Variants in MIER3 observed in about 807,000 individuals in gnomAD.
MIER3 encodes MIER family member 3, also known as mesoderm induction early response protein 3.
Under a neutral mutation model 63.2 loss-of-function variants are expected in MIER3, and 9 were observed. The ratio of observed to expected loss-of-function variants is 0.14; its 90% CI spans 0.09 to 0.25. The LOEUF (loss-of-function observed/expected upper bound fraction) is 0.25. Ranked by LOEUF, MIER3 falls within the 10% of genes least tolerant of loss-of-function variation. The pLI is 1.00. For synonymous variants in MIER3, 205 were observed against 224.9 expected (o/e 0.91, Z 0.79); for missense variants, 512 against 666.2 (o/e 0.77, Z 2.55).
chr5:56,923,395 G>A lies in MIER3; in HGVS notation c.1386C>T (p.His462=). The change falls in exon 13 of 13, where the codon CAC becomes CAT. Residue 462 remains histidine, a synonymous_variant. Coordinates refer to ENST00000381199, the MANE Select transcript of MIER3 (RefSeq NM_001297599.2). ...ACATGTTCATAGGGTTTAGCTCCGA[G>A]TGATAAAATCCAGTCTCAAATAAAT... ...CFNLFETGFY[H]SELNPMNMCS... is the part of the protein sequence containing the mutation. The A allele has an allele frequency of 6.2e-7, 1 of 1,614,164 alleles. No homozygotes were observed. Among genetic ancestry groups the A allele is most frequent in the Non-Finnish European group, 8.5e-7 (1 of 1,180,034 alleles).
intron 8 of MIER3, among the ~76,000 whole-genome samples, chr5:56,932,539 C>G (rs1398434340): frequency 6.6e-6 from 1 of 152,184 alleles, no homozygotes; most frequent in East Asian, 1.9e-4. Flanking sequence ...CCTCTGAATA[C>G]TTATTAGTCA....
chr5:56,952,091 C>A lies in MIER3; in HGVS notation c.9+3G>T. The A allele has an allele frequency of 7.7e-7, 1 of 1,305,256 alleles. No individual in the cohort carries two copies. 80.9% of individuals were successfully genotyped at this position (1,305,256 alleles called of 1,614,324 possible). A position where few individuals can be genotyped will look rare whatever the true frequency, so the allele number is the denominator to read the frequency against. On this transcript the variant is annotated splice_donor_region_variant and intron_variant, in intron 1 of 12. Transcript: ENST00000381199. ...GCTGCTCCTGCCCGGTTTCCCTGCT[C>A]ACCTCCGCCATATTGGTACCTTTAG... is the stretch of plus-strand genomic sequence containing the variant.
At position 56,920,335 on chromosome 5, in the gene MIER3, T is replaced by TAGAAG. The variant is rs1272865793; in HGVS notation, c.*2792_*2793insCTTCT. The TAGAAG allele has an allele frequency of 6.6e-6, 1 of 152,572 alleles. No individual in the cohort carries two copies. Among genetic ancestry groups the TAGAAG allele is most frequent in the Non-Finnish European group, 1.5e-5 (1 of 67,984 alleles). 9.5% of individuals were successfully genotyped at this position (152,572 alleles called of 1,614,324 possible). A position where few individuals can be genotyped will look rare whatever the true frequency, so the allele number is the denominator to read the frequency against. Reference sequence around the variant, plus strand: ...ATAATCACAGCACCAGTTACACTTCTAAATGAATCCACTGTCCTTTTCAAA... The same window carrying TAGAAG: ...ATAATCACAGCACCAGTTACACTTCTAGAAGAAATGAATCCACTGTCCTTTTCAAA... On this transcript the variant is annotated 3_prime_UTR_variant, in exon 13 of 13. Coordinates refer to ENST00000381199, the MANE Select transcript of MIER3 (RefSeq NM_001297599.2).
chr5:56,944,434 T>C (rs1352578821), intron 3 of MIER3, among the ~76,000 whole-genome samples: 5 of 151,938 alleles, frequency 3.3e-5, no homozygotes, highest in East Asian at 1.9e-4. Flanking sequence ...TAAGCCAAGA[T>C]TGCGCCACTG....
intron 3 of MIER3, among the ~76,000 whole-genome samples, chr5:56,940,566 A>T (rs987513357): frequency 2.0e-5 from 3 of 152,250 alleles, no homozygotes; most frequent in African/African-American, 7.2e-5. Context: ...AAACAGGTAT[A>T]TGATAGAACA....
At chr5:56,938,708 C>T in intron 4 of MIER3, 175 bp downstream of exon 4, 2 of 674,762 alleles carry the variant, frequency 3.0e-6, no homozygotes, top group East Asian at 2.8e-5. Context: ...GCTATTAATA[C>T]TACTCTTAAC....
intron 3 of MIER3, among the ~76,000 whole-genome samples, chr5:56,946,341 T>A (rs1750823343): frequency 6.6e-6 from 1 of 152,182 alleles, no homozygotes; most frequent in African/African-American, 2.4e-5. Flanking sequence ...CTGGTATAAA[T>A]GCATGAAAAT....
chr5:56,936,510 T>TTTTA (rs534551825), intron 5 of MIER3, among the ~76,000 whole-genome samples: 85 of 152,012 alleles, frequency 5.6e-4, no homozygotes, highest in Admixed American at 3.4e-3. Flanking sequence ...AGTCCAAACA[T>TTTTA]TTTATTTATT....
chr5:56,927,152 T>C (rs1292151861), intron 10 of MIER3, among the ~76,000 whole-genome samples: 1 of 152,144 alleles, frequency 6.6e-6, no homozygotes, highest in African/African-American at 2.4e-5. Context: ...CTACTCTGTA[T>C]GATACTGTAC....
At chr5:56,951,701 G>C (rs77112307) in intron 1 of MIER3, among the ~76,000 whole-genome samples, 7 of 151,984 alleles carry the variant, frequency 4.6e-5, no homozygotes, top group South Asian at 2.1e-4. Context: ...GGCCGCGGAG[G>C]GGGGGCTCCG....
chr5:56,923,606 G>A lies in MIER3; in HGVS notation c.1196-21C>T, dbSNP rs571128483. ...CAAAGCTAAAAAGGAATGGAAAATT[G>A]TTTAAGTAAGTGGTCCTATGACATC... On this transcript the variant is annotated intron_variant, in intron 12 of 12. Coordinates refer to ENST00000381199, the MANE Select transcript of MIER3 (RefSeq NM_001297599.2). 8.7e-6 allele frequency: 14 copies of A among 1,611,386 alleles called. No individual in the cohort carries two copies. The South Asian group carries it at 8.8e-5, about 10-fold the overall frequency.
At chr5:56,946,675 C>A (rs1750832794) in intron 3 of MIER3, among the ~76,000 whole-genome samples, 1 of 152,012 alleles carries the variant, frequency 6.6e-6, no homozygotes, top group Non-Finnish European at 1.5e-5. Flanking sequence ...TTCCGTATCT[C>A]AATTTTCTCA....
chr5:56,935,572 T>G, intron 6 of MIER3, 72 bp from the exon 7 acceptor site: 1 of 1,502,616 alleles, frequency 6.7e-7, no homozygotes. Flanking sequence ...ATATCATTAA[T>G]CAGTTTCTAC....
chr5:56,923,863 C>G, intron 11 of MIER3, 30 bp from the exon 12 acceptor site: 1 of 1,613,972 alleles, frequency 6.2e-7, no homozygotes, highest in Non-Finnish European at 8.5e-7. Flanking sequence ...AATTTTATGA[C>G]TATATATTAC....
intron 3 of MIER3, among the ~76,000 whole-genome samples, chr5:56,940,844 T>G (rs985862683): frequency 6.6e-6 from 1 of 152,202 alleles, no homozygotes; most frequent in East Asian, 1.9e-4. Context: ...TCTTGCTCCT[T>G]GCAGAGTCCA....
intron 3 of MIER3, among the ~76,000 whole-genome samples, chr5:56,939,861 A>AC (rs1750580231): frequency 6.6e-6 from 1 of 152,250 alleles, no homozygotes; most frequent in Non-Finnish European, 1.5e-5. Context: ...TGGTAGGAAT[A>AC]ATATGCTACA....
At chr5:56,925,241 AC>A (rs1410472763) in intron 10 of MIER3, 3 of 385,860 alleles carry the variant, frequency 7.8e-6, no homozygotes, top group African/African-American at 6.4e-5. Context: ...CAACATCAAT[AC>A]TGGAAGGTCT....
intron 10 of MIER3, among the ~76,000 whole-genome samples, chr5:56,925,063 G>A (rs1749895816): frequency 6.6e-6 from 1 of 152,138 alleles, no homozygotes; most frequent in Non-Finnish European, 1.5e-5. Context: ...GGACATAACT[G>A]TTTACGGAAT....
chr5:56,939,286 T>G (rs1409532805), intron 3 of MIER3, among the ~76,000 whole-genome samples: 1 of 152,236 alleles, frequency 6.6e-6, no homozygotes, highest in South Asian at 2.1e-4. Flanking sequence ...CCTCAAATAT[T>G]TGCTTTAGTG....
Sources: gnomAD v4.1 joint callset for allele counts (sites outside exome capture counted in the v4.1 genomes callset) on GRCh38, gnomAD v4.1.1 for gene constraint, MANE v1.5 for transcripts, NCBI Gene and HGNC (gene_info 2026-07-23, HGNC 2026-07-21) for gene names.